The following ATP6V1C2 variants were observed in gnomAD, a reference collection of about 807,000 sequenced individuals.
The protein encoded by ATP6V1C2 is V-type proton ATPase subunit C 2.
ATP6V1C2 carries 45 observed loss-of-function variants against 56.8 expected under a neutral mutation model. The ratio of observed to expected loss-of-function variants is 0.79; its 90% confidence interval spans 0.62 to 1.02. ATP6V1C2 has a LOEUF of 1.02. Ranked by LOEUF, ATP6V1C2 falls within the 50% of genes least tolerant of loss-of-function variation. The probability of loss-of-function intolerance (pLI) is 0.00; values close to 1 mark genes in which losing one functional copy is unlikely to be tolerated. For synonymous variants in ATP6V1C2, 220 were observed against 201.3 expected, an observed-to-expected ratio of 1.09 and a Z score of -0.79; for missense variants, 463 against 519.7, an observed-to-expected ratio of 0.89 and a Z score of 1.06.
chr2:10,740,100 A>AG (rs1178494344), intron 3 of ATP6V1C2, among the ~76,000 whole-genome samples: 1 of 151,740 alleles, frequency 6.6e-6, no homozygotes, highest in African/African-American at 2.4e-5. Flanking sequence ...AAAAAAAAAA[A>AG]AAAGAAAAGA....
In ATP6V1C2 at chr2:10,775,046, T is replaced by G. The variant is rs200969862; in HGVS notation, c.800T>G (p.Leu267Trp). ...AGGGAAAGGGAGGAGATGGCCAGAT[T>G]GCTGTCTGATAAGAAGCAACAGTAT... ...IEREREEMARLLSDKKQQYQT... is the reference protein window; with the variant it reads ...IEREREEMARWLSDKKQQYQT... The change falls in exon 10 of 14, where the codon TTG becomes TGG. Residue 267 changes from leucine (L) to tryptophan (W), a missense_variant. Transcript: ENST00000272238. 2 of 1,614,002 alleles carry G rather than the reference T, an allele frequency of 1.2e-6. No homozygotes were observed. The highest frequency in any genetic ancestry group is 4.5e-5 in the East Asian group (2 of 44,874).
At chr2:10,777,372 C>T (rs895693193) in intron 10 of ATP6V1C2, among the ~76,000 whole-genome samples, 1 of 152,194 alleles carries the variant, frequency 6.6e-6, no homozygotes, top group Non-Finnish European at 1.5e-5. Flanking sequence ...AATATGGAAC[C>T]CAAAGACCTT....
At chr2:10,726,682 A>G in intron 3 of ATP6V1C2, 113 bp downstream of exon 3, 1 of 974,524 alleles carries the variant, frequency 1.0e-6, no homozygotes, top group South Asian at 1.4e-5. Flanking sequence ...ACCTGGTTCC[A>G]AAAGTGAGCA....
chr2:10,781,046 T>C (rs1404054654), intron 12 of ATP6V1C2, among the ~76,000 whole-genome samples: 1 of 152,040 alleles, frequency 6.6e-6, no homozygotes, highest in Non-Finnish European at 1.5e-5. Flanking sequence ...GCACCCGGCA[T>C]GGTGTCTTGT....
At chr2:10,781,426 C>T (rs534971705) in intron 12 of ATP6V1C2, among the ~76,000 whole-genome samples, 64 of 151,882 alleles carry the variant, frequency 4.2e-4, no homozygotes, top group African/African-American at 1.4e-3. Flanking sequence ...TGCAGTGAGC[C>T]GAGATCGCAC....
chr2:10,756,756 A>C (rs142509898), intron 4 of ATP6V1C2, among the ~76,000 whole-genome samples: 2 of 152,164 alleles, frequency 1.3e-5, no homozygotes, highest in African/African-American at 4.8e-5. Flanking sequence ...AGATATACAA[A>C]TACTTACCAT....
At chr2:10,738,098 C>A (rs1662358210) in intron 3 of ATP6V1C2, among the ~76,000 whole-genome samples, 1 of 152,188 alleles carries the variant, frequency 6.6e-6, no homozygotes, top group African/African-American at 2.4e-5. Context: ...TTTGTCACAT[C>A]TCTATTTTGG....
chr2:10,779,384 C>T (rs147821817), intron 12 of ATP6V1C2, among the ~76,000 whole-genome samples: 12,318 of 147,348 alleles, frequency 0.084, 635 homozygotes, highest in South Asian at 0.15. Context: ...GTTGGGATTA[C>T]AGGCGCGAGC....
intron 3 of ATP6V1C2, among the ~76,000 whole-genome samples, chr2:10,733,119 C>T (rs1572509827): frequency 1.3e-5 from 2 of 152,214 alleles, no homozygotes; most frequent in East Asian, 1.9e-4. Flanking sequence ...GCATTGTTTT[C>T]GTTTTCCTTG....
intron 1 of ATP6V1C2, among the ~76,000 whole-genome samples, chr2:10,722,433 T>G (rs1324429217): frequency 6.6e-6 from 1 of 152,122 alleles, no homozygotes; most frequent in African/African-American, 2.4e-5. Context: ...ATCCCACGCC[T>G]TCCTCCACCC....
intron 3 of ATP6V1C2, among the ~76,000 whole-genome samples, chr2:10,736,999 T>C (rs919440496): frequency 1.3e-5 from 2 of 152,078 alleles, no homozygotes; most frequent in African/African-American, 4.8e-5. Flanking sequence ...TCCTCCCACC[T>C]TGGCCTCCCA....
chr2:10,775,198 G>GAACA, intron 10 of ATP6V1C2, 127 bp downstream of exon 10: 2 of 744,346 alleles, frequency 2.7e-6, no homozygotes, highest in Non-Finnish European at 4.6e-6. Flanking sequence ...CACACCATGG[G>GAACA]GACCGTCTGT....
chr2:10,721,672 G>GCACCCGC lies in ATP6V1C2; in HGVS notation c.-84_-78dup, dbSNP rs1649510546. 1 of 151,400 alleles carries GCACCCGC rather than the reference G, an allele frequency of 6.6e-6. No homozygotes were observed. The highest frequency in any genetic ancestry group is 1.5e-5 in the Non-Finnish European group (1 of 67,796). The allele number at this position is 151,400 out of a possible 1,614,324, so 9.4% of individuals were successfully genotyped here. A position where few individuals can be genotyped will look rare whatever the true frequency, so the allele number is the denominator to read the frequency against. ...GGAGCCGGCAGAGCGCTCCGGCCCCGCACCCGCCGCCCGTCGCCCGCAGCC... is the reference window on the plus strand; with the variant it reads ...GGAGCCGGCAGAGCGCTCCGGCCCCGCACCCGCCACCCGCCGCCCGTCGCCCGCAGCC... On this transcript the variant is annotated 5_prime_UTR_variant, in exon 1 of 14. Transcript: ENST00000272238.
At chr2:10,783,146 T>TCCC (rs780905445) in intron 13 of ATP6V1C2, 28 bp from the exon 14 acceptor site, 1 of 1,563,842 alleles carries the variant, frequency 6.4e-7, no homozygotes, top group Admixed American at 1.7e-5. Flanking sequence ...TTTATGCACT[T>TCCC]AGAGCATTAC....
Position 10,764,230 on chromosome 2 carries a change from T to C in ATP6V1C2, c.284-101T>C, listed in dbSNP as rs943389606. On this transcript the variant is annotated intron_variant, in intron 4 of 13. Coordinates refer to ENST00000272238, the MANE Select transcript of ATP6V1C2 (RefSeq NM_001039362.2). ...GCCCGCCGGCGTTGCCCATGATGGC[T>C]GCCTTCGTGTCCACGCTGATGCTTG... 8.5e-6 allele frequency: 9 copies of C among 1,060,872 alleles called. No homozygotes were observed. The African/African-American group carries it at 1.4e-4, about 17-fold the overall frequency. 65.7% of individuals were successfully genotyped at this position (1,060,872 alleles called of 1,614,324 possible).
At chr2:10,759,129 C>T (rs1663737735) in intron 4 of ATP6V1C2, among the ~76,000 whole-genome samples, 1 of 152,212 alleles carries the variant, frequency 6.6e-6, no homozygotes, top group African/African-American at 2.4e-5. Context: ...TTTAGGGCAC[C>T]ACTGCCTGCA....
At chr2:10,761,730 C>T (rs1663919215) in intron 4 of ATP6V1C2, among the ~76,000 whole-genome samples, 1 of 152,190 alleles carries the variant, frequency 6.6e-6, no homozygotes, top group Non-Finnish European at 1.5e-5. Flanking sequence ...AGGGAGAGCA[C>T]GGATCCAACT....
At chr2:10,768,941 G>A (rs1389081790) in intron 6 of ATP6V1C2, 131 bp downstream of exon 6, 3 of 726,030 alleles carry the variant, frequency 4.1e-6, no homozygotes, top group Admixed American at 4.6e-5. Flanking sequence ...GACAGGTGGA[G>A]GCACTCTCAC....
In ATP6V1C2 at chr2:10,783,352, C is replaced by T. The variant is rs922880790; in HGVS notation, c.*89C>T. 1 of 813,462 alleles carries T rather than the reference C, an allele frequency of 1.2e-6. No homozygotes were observed. Among genetic ancestry groups the T allele is most frequent in the Non-Finnish European group, 2.0e-6 (1 of 503,388 alleles). The allele number at this position is 813,462 out of a possible 1,614,324, so 50.4% of individuals were successfully genotyped here. A position where few individuals can be genotyped will look rare whatever the true frequency, so the allele number is the denominator to read the frequency against. ...GCCAGAGAATGGTTCAAATGTCTTA[C>T]AGAACTAAGATCTTTTTCAGAGAAA... is the stretch of plus-strand genomic sequence containing the variant. On this transcript the variant is annotated 3_prime_UTR_variant, in exon 14 of 14. Transcript: ENST00000272238.
Sources: gnomAD v4.1 joint callset for allele counts (sites outside exome capture counted in the v4.1 genomes callset) on GRCh38, gnomAD v4.1.1 for gene constraint, MANE v1.5 for transcripts, NCBI Gene and HGNC (gene_info 2026-07-23, HGNC 2026-07-21) for gene names.